The following KHDC1 variants were observed in gnomAD, a reference collection of about 807,000 sequenced individuals.
The protein encoded by KHDC1 is KH domain containing 1, also known as KH homology domain-containing protein 1.
KHDC1 carries 21 observed loss-of-function variants against 24.7 expected under a neutral mutation model. That is an observed-to-expected ratio of 0.85 (90% CI 0.60 to 1.23). KHDC1 has a LOEUF of 1.23. KHDC1 is among the 50% of genes most tolerant of loss of function. KHDC1 has a pLI of 0.00. For synonymous variants in KHDC1, 98 were observed against 111.7 expected (o/e 0.88, Z 0.77); for missense variants, 274 against 298.5 (o/e 0.92, Z 0.61).
intron 1 of KHDC1, among the ~76,000 whole-genome samples, chr6:73,295,712 G>A (rs978872394): frequency 1.3e-5 from 2 of 151,968 alleles, no homozygotes; most frequent in Non-Finnish European, 2.9e-5. Context: ...TGGGCCTGGT[G>A]GCACACACCT....
intron 2 of KHDC1, among the ~76,000 whole-genome samples, chr6:73,288,288 G>A (rs1228056833): frequency 6.6e-6 from 1 of 152,224 alleles, no homozygotes; most frequent in Non-Finnish European, 1.5e-5. Context: ...ATCTGGAGAA[G>A]TAAGTATTCT....
At chr6:73,245,816 C>T (rs1481520824) in intron 2 of KHDC1, among the ~76,000 whole-genome samples, 1 of 152,160 alleles carries the variant, frequency 6.6e-6, no homozygotes, top group Non-Finnish European at 1.5e-5. Flanking sequence ...TCCAGAATAA[C>T]AGTCGGGCAA....
intron 1 of KHDC1, among the ~76,000 whole-genome samples, chr6:73,296,612 T>A (rs1767764899): frequency 6.6e-6 from 1 of 152,136 alleles, no homozygotes; most frequent in Non-Finnish European, 1.5e-5. Context: ...ACTTTTTAAT[T>A]TACATTTGGA....
chr6:73,263,636 C>A (rs771816811), intron 2 of KHDC1, among the ~76,000 whole-genome samples: 1 of 151,910 alleles, frequency 6.6e-6, no homozygotes. Context: ...CCCAGGCCCA[C>A]CCTCTGCAGG....
chr6:73,247,335 C>A (rs1766686731), intron 2 of KHDC1, among the ~76,000 whole-genome samples: 1 of 152,146 alleles, frequency 6.6e-6, no homozygotes, highest in Non-Finnish European at 1.5e-5. Flanking sequence ...ATTTTGAAGA[C>A]AGAGCCCTCA....
chr6:73,252,040 C>CTTTTT (rs112248383), intron 2 of KHDC1, among the ~76,000 whole-genome samples: 6 of 132,744 alleles, frequency 4.5e-5, no homozygotes, highest in African/African-American at 1.1e-4. Context: ...TAAATCATAT[C>CTTTTT]TTTTTTTTTT....
intron 2 of KHDC1, among the ~76,000 whole-genome samples, chr6:73,257,126 C>G (rs1223145903): frequency 1.3e-5 from 2 of 152,140 alleles, no homozygotes; most frequent in African/African-American, 4.8e-5. Flanking sequence ...AACCCCATCT[C>G]TACAAAAAAT....
intron 2 of KHDC1, among the ~76,000 whole-genome samples, chr6:73,272,203 G>T (rs953162077): frequency 1.3e-5 from 2 of 151,376 alleles, no homozygotes; most frequent in African/African-American, 2.4e-5. Flanking sequence ...TTGCTCTGTC[G>T]CCCACGCTGG....
intron 2 of KHDC1, chr6:73,268,647 G>A (rs1316000462): frequency 1.3e-5 from 2 of 152,298 alleles, no homozygotes; most frequent in African/African-American, 2.4e-5. Flanking sequence ...TGGATACAAA[G>A]GTTCTCCAAG....
chr6:73,303,144 TG>T (rs1767906110), intron 1 of KHDC1, among the ~76,000 whole-genome samples: 1 of 152,192 alleles, frequency 6.6e-6, no homozygotes, highest in Admixed American at 6.6e-5. Context: ...GAGGATATTA[TG>T]TTAAGTGAAA....
intron 2 of KHDC1, among the ~76,000 whole-genome samples, chr6:73,277,102 G>A (rs1025123377): frequency 5.9e-5 from 9 of 152,102 alleles, no homozygotes; most frequent in Admixed American, 1.3e-4. Context: ...GAAAAAATAG[G>A]CTCTATAAAT....
At chr6:73,302,276 G>A (rs1767891297) in intron 1 of KHDC1, among the ~76,000 whole-genome samples, 1 of 152,126 alleles carries the variant, frequency 6.6e-6, no homozygotes, top group Non-Finnish European at 1.5e-5. Context: ...GCAACAGAGC[G>A]AGACTCTGTC....
intron 2 of KHDC1, among the ~76,000 whole-genome samples, chr6:73,280,386 C>T (rs1767381357): frequency 6.6e-6 from 1 of 152,032 alleles, no homozygotes; most frequent in South Asian, 2.1e-4. Context: ...TGGTCTCGAA[C>T]TCCTGGGCTC....
chr6:73,298,495 T>G (rs549293462), intron 1 of KHDC1, among the ~76,000 whole-genome samples: 16,564 of 122,448 alleles, frequency 0.14, 1,544 homozygotes, highest in African/African-American at 0.24. Flanking sequence ...GAGTGCAGTG[T>G]CGCAATCTTG....
chr6:73,279,505 A>G (rs1187608143), intron 2 of KHDC1, among the ~76,000 whole-genome samples: 1 of 152,010 alleles, frequency 6.6e-6, no homozygotes, highest in African/African-American at 2.4e-5. Flanking sequence ...CGAAAATTGC[A>G]TATTAATAAT....
intron 1 of KHDC1, among the ~76,000 whole-genome samples, chr6:73,305,426 G>A (rs1767945909): frequency 6.6e-6 from 1 of 151,940 alleles, no homozygotes; most frequent in Admixed American, 6.6e-5. Context: ...CCATTTACTG[G>A]ATGAGTGACT....
Position 73,256,106 on chromosome 6 carries a change from T to G in KHDC1, c.207-13576A>C, listed in dbSNP as rs569337991. ...TTTCCAAAGGTCAGGCATATACATTTATCTCCTTAGGCCTAGTAATTTCGA... is the reference window on the plus strand; with the variant it reads ...TTTCCAAAGGTCAGGCATATACATTGATCTCCTTAGGCCTAGTAATTTCGA... On this transcript the variant is annotated intron_variant, in intron 2 of 4. Transcript: ENST00000370384. Among the ~76,000 whole-genome samples, 8 of 152,270 alleles carry G rather than the reference T, an allele frequency of 5.3e-5. 1 individual carries two copies. The highest frequency in any genetic ancestry group is 1.9e-4 in the African/African-American group (8 of 41,556).
intron 2 of KHDC1, among the ~76,000 whole-genome samples, chr6:73,282,560 A>G (rs909912455): frequency 3.3e-5 from 5 of 152,152 alleles, no homozygotes; most frequent in Admixed American, 2.0e-4. Flanking sequence ...AGGACTAACA[A>G]AGGAGCCACA....
At chr6:73,300,386 CTTCCCTGGG>C (rs1269141080) in intron 1 of KHDC1, 1 of 152,240 alleles carries the variant, frequency 6.6e-6, no homozygotes, top group Admixed American at 6.6e-5. Context: ...CCACTGACAC[CTTCCCTGGG>C]TTCCCAATTG....
Sources: gnomAD v4.1 joint callset for allele counts (sites outside exome capture counted in the v4.1 genomes callset) on GRCh38, gnomAD v4.1.1 for gene constraint, MANE v1.5 for transcripts, NCBI Gene and HGNC (gene_info 2026-07-23, HGNC 2026-07-21) for gene names.